The following SRD5A2 variants were observed in gnomAD, a reference collection of about 807,000 sequenced individuals.
SRD5A2 encodes the protein steroid 5 alpha-reductase 2.
In SRD5A2, 30 loss-of-function variants were observed where a neutral mutation model predicts 27.4. The ratio of observed to expected loss-of-function variants is 1.10; its 90% CI spans 0.82 to 1.49. The LOEUF (loss-of-function observed/expected upper bound fraction) is 1.49. SRD5A2 is among the 40% of genes most tolerant of loss of function. The probability of loss-of-function intolerance (pLI) is 0.00; values close to 1 mark genes in which losing one functional copy is unlikely to be tolerated. For synonymous variants in SRD5A2, 141 were observed against 133.6 expected (o/e 1.06, Z -0.38); for missense variants, 348 against 323.4 (o/e 1.08, Z -0.58).
At chr2:31,567,604 C>A (rs1284710493) in intron 1 of SRD5A2, among the ~76,000 whole-genome samples, 1 of 151,978 alleles carries the variant, frequency 6.6e-6, no homozygotes. Flanking sequence ...CCTCTTGTGT[C>A]CTCAGGAAAC....
intron 2 of SRD5A2, among the ~76,000 whole-genome samples, chr2:31,533,185 T>C (rs1665953024): frequency 6.6e-6 from 1 of 152,124 alleles, no homozygotes; most frequent in Non-Finnish European, 1.5e-5. Context: ...ACCCCTGTAC[T>C]AGGCAGAGGG....
the SRD5A2 span, among the ~76,000 whole-genome samples, chr2:31,599,931 G>A: frequency 4.0e-5 from 6 of 151,750 alleles, no homozygotes; most frequent in Non-Finnish European, 7.4e-5. Context: ...TTAATCACCC[G>A]GGTATTAAGC....
chr2:31,543,991 G>T (rs1666191892), intron 1 of SRD5A2, among the ~76,000 whole-genome samples: 1 of 151,994 alleles, frequency 6.6e-6, no homozygotes, highest in Non-Finnish European at 1.5e-5. Context: ...TGGAAAAATG[G>T]AAGATGACAT....
chr2:31,643,925 C>A, the SRD5A2 span, among the ~76,000 whole-genome samples: 9 of 152,036 alleles, frequency 5.9e-5, no homozygotes, highest in Non-Finnish European at 1.2e-4. Context: ...ATTAGAAAAT[C>A]ATCAATAGTT....
the SRD5A2 span, among the ~76,000 whole-genome samples, chr2:31,649,509 A>G: frequency 6.6e-6 from 1 of 152,174 alleles, no homozygotes; most frequent in South Asian, 2.1e-4. Flanking sequence ...ATAGTCAAAT[A>G]CCTATGTATC....
At chr2:31,638,257 T>C in the SRD5A2 span, among the ~76,000 whole-genome samples, 30 of 152,130 alleles carry the variant, frequency 2.0e-4, no homozygotes, top group Non-Finnish European at 8.8e-5. Context: ...CCCTTGTTTT[T>C]TGATTTCTAG....
At chr2:31,531,576 T>A (rs370422186) in intron 2 of SRD5A2, 104 bp from the exon 3 acceptor site, 144 of 581,308 alleles carry the variant, frequency 2.5e-4, no homozygotes, top group Middle Eastern at 5.1e-4. Context: ...ATTTAATTTC[T>A]AAATCTAAGA....
chr2:31,582,628 A>G (rs531223693), upstream of SRD5A2, among the ~76,000 whole-genome samples: 10 of 152,206 alleles, frequency 6.6e-5, no homozygotes, highest in South Asian at 1.9e-3. Context: ...CCAAATCTAG[A>G]TTGCCAGCAA....
chr2:31,530,189 G>A (rs28383059), intron 3 of SRD5A2, among the ~76,000 whole-genome samples: 128 of 152,262 alleles, frequency 8.4e-4, no homozygotes, highest in African/African-American at 2.9e-3. Flanking sequence ...TGTTTCAACC[G>A]AAACAATTTT....
At chr2:31,657,387 G>A in the SRD5A2 span, among the ~76,000 whole-genome samples, 3 of 152,064 alleles carry the variant, frequency 2.0e-5, no homozygotes, top group Admixed American at 1.3e-4. Flanking sequence ...TTTATAATAG[G>A]TACTCTCTTT....
At chr2:31,570,130 C>G (rs899978708) in intron 1 of SRD5A2, among the ~76,000 whole-genome samples, 2 of 152,036 alleles carry the variant, frequency 1.3e-5, no homozygotes, top group Non-Finnish European at 2.9e-5. Context: ...AAATCCCTAA[C>G]AAAACACTGG....
At chr2:31,592,690 A>T in the SRD5A2 span, among the ~76,000 whole-genome samples, 2 of 152,202 alleles carry the variant, frequency 1.3e-5, no homozygotes, top group Non-Finnish European at 2.9e-5. Context: ...GGGACAAAAT[A>T]ATCTGAACAG....
At position 31,523,964 on chromosome 2, in the gene SRD5A2, G is replaced by A. The variant is rs189383825; in HGVS notation, c.*2232C>T. Reference sequence around the variant, plus strand: ...CTATATTCAGATTAAGAAGTTCCACGATCATGCTAACTTGAAAGGTCCACG... The same window carrying A: ...CTATATTCAGATTAAGAAGTTCCACAATCATGCTAACTTGAAAGGTCCACG... On this transcript the variant is annotated 3_prime_UTR_variant, in exon 5 of 5. Transcript: ENST00000622030. The A allele has an allele frequency of 3.6e-4, 78 of 218,142 alleles. No homozygotes were observed. Among genetic ancestry groups the A allele is most frequent in the African/African-American group, 1.5e-3 (69 of 44,600 alleles). The allele number at this position is 218,142 out of a possible 1,614,324, so 13.5% of individuals were successfully genotyped here.
At chr2:31,643,576 G>T in the SRD5A2 span, among the ~76,000 whole-genome samples, 31 of 152,124 alleles carry the variant, frequency 2.0e-4, no homozygotes, top group East Asian at 5.4e-3. Flanking sequence ...TTTATAAATA[G>T]CATTTTCCAC....
intron 1 of SRD5A2, among the ~76,000 whole-genome samples, chr2:31,559,378 CT>C (rs1558368566): frequency 6.6e-6 from 1 of 152,122 alleles, no homozygotes; most frequent in Non-Finnish European, 1.5e-5. Context: ...TTCAATATCC[CT>C]TTTTTTCTTA....
the SRD5A2 span, among the ~76,000 whole-genome samples, chr2:31,620,177 A>T: frequency 1.3e-5 from 2 of 152,126 alleles, no homozygotes; most frequent in African/African-American, 4.8e-5. Flanking sequence ...ATATTGAAGG[A>T]ACATACCTCA....
the SRD5A2 span, among the ~76,000 whole-genome samples, chr2:31,647,222 GC>G: frequency 6.6e-6 from 1 of 152,080 alleles, no homozygotes; most frequent in Non-Finnish European, 1.5e-5. Context: ...ATAGAACAGT[GC>G]TTTTCACACC....
chr2:31,552,426 T>C (rs899044827), intron 1 of SRD5A2, among the ~76,000 whole-genome samples: 2 of 151,990 alleles, frequency 1.3e-5, no homozygotes, highest in East Asian at 1.9e-4. Flanking sequence ...GGACAGTTTC[T>C]ATCTTGCCCC....
intron 1 of SRD5A2, among the ~76,000 whole-genome samples, chr2:31,574,942 A>G (rs527433830): frequency 1.8e-4 from 28 of 152,354 alleles, no homozygotes; most frequent in African/African-American, 6.7e-4. Flanking sequence ...CTTTCCCGCT[A>G]TAACAGTAGG....
Sources: gnomAD v4.1 joint callset for allele counts (sites outside exome capture counted in the v4.1 genomes callset) on GRCh38, gnomAD v4.1.1 for gene constraint, MANE v1.5 for transcripts, NCBI Gene and HGNC (gene_info 2026-07-23, HGNC 2026-07-21) for gene names.